CACNA1C: variants seen among roughly 807,000 people sequenced by gnomAD.
The protein encoded by CACNA1C is calcium voltage-gated channel subunit alpha1 C, also known as voltage-dependent L-type calcium channel subunit alpha-1C.
CACNA1C carries 30 observed loss-of-function variants against 229.0 expected under a neutral mutation model. The ratio of observed to expected loss-of-function variants is 0.13; its 90% confidence interval spans 0.10 to 0.18. The LOEUF (loss-of-function observed/expected upper bound fraction) is 0.18. Among genes scored for constraint, CACNA1C ranks in the 10% least tolerant of loss-of-function variants. The pLI, the probability that CACNA1C is intolerant of heterozygous loss-of-function variation, is 1.00. For synonymous variants in CACNA1C, 1,114 were observed against 1,132.5 expected (o/e 0.98, Z 0.33); for missense variants, 1,658 against 2,845.0 (o/e 0.58, Z 9.49).
chr12:2,229,629 G>A (rs147698364), intron 3 of CACNA1C, among the ~76,000 whole-genome samples: 18 of 152,292 alleles, frequency 1.2e-4, no homozygotes, highest in African/African-American at 4.1e-4. Flanking sequence ...ATAAGACGAT[G>A]AGGGAAGGCC....
At chr12:2,531,849 A>ACCTAT (rs1467428522) in intron 9 of CACNA1C, among the ~76,000 whole-genome samples, 3 of 151,900 alleles carry the variant, frequency 2.0e-5, no homozygotes, top group African/African-American at 7.3e-5. Flanking sequence ...CGTCATCCCC[A>ACCTAT]CCTATGTGTG....
intron 32 of CACNA1C, among the ~76,000 whole-genome samples, chr12:2,652,934 G>T (rs980040791): frequency 1.3e-5 from 2 of 152,214 alleles, no homozygotes; most frequent in Non-Finnish European, 2.9e-5. Context: ...GGCACAGACC[G>T]GGTGACTGCG....
chr12:2,075,935 T>C (rs1482014801), intron 1 of CACNA1C, among the ~76,000 whole-genome samples: 1 of 152,202 alleles, frequency 6.6e-6, no homozygotes, highest in Non-Finnish European at 1.5e-5. Flanking sequence ...GACTGTCATA[T>C]GTGCTTATCT....
chr12:2,286,583 T>C (rs1171097727), intron 3 of CACNA1C, among the ~76,000 whole-genome samples: 1 of 152,014 alleles, frequency 6.6e-6, no homozygotes, highest in Admixed American at 6.6e-5. Context: ...GTCTGTGAGG[T>C]TCATTCGGGG....
rs1411662097 is a variant in CACNA1C, at chr12:2,665,835, C to A, written c.4526+127C>A. 3 of 938,970 alleles carry A rather than the reference C, an allele frequency of 3.2e-6. No homozygotes were observed. The highest frequency in any genetic ancestry group is 4.6e-6 in the Non-Finnish European group (3 of 653,366). The allele number at this position is 938,970 out of a possible 1,614,324, so 58.2% of individuals were successfully genotyped here. A position where few individuals can be genotyped will look rare whatever the true frequency, so the allele number is the denominator to read the frequency against. ...ATTAGAAACACTGGATTGTATCACA[C>A]CCTAGGGTGAAAGGTCAAGGGCCAG... On this transcript the variant is annotated intron_variant, in intron 36 of 46. Transcript: ENST00000399655. This position sits in a 1 kb window ranked among gnomAD's most constrained non-coding sequence, Gnocchi z 5.9.
rs546692100 is a variant in CACNA1C, at chr12:2,108,270, C to G, written c.50-6954C>G. On this transcript the variant is annotated intron_variant, in intron 1 of 46. Transcript: ENST00000399655. This position sits in a 1 kb window ranked among gnomAD's most constrained non-coding sequence, Gnocchi z 5.3. ...AATGCTGCAAGAGCAGGCTTTAGGC[C>G]GGGTCTGTGGGAATGATTCCCAAAA... 1.3e-5 allele frequency among the ~76,000 whole-genome samples: 2 copies of G among 152,258 alleles called. No individual in the cohort carries two copies. Among genetic ancestry groups the G allele is most frequent in the South Asian group, 2.1e-4 (1 of 4,818 alleles).
intron 31 of CACNA1C, among the ~76,000 whole-genome samples, chr12:2,650,889 G>C (rs1372302743): frequency 6.6e-6 from 1 of 152,102 alleles, no homozygotes; most frequent in Non-Finnish European, 1.5e-5. Flanking sequence ...TCCCTTCCAG[G>C]GTCTTGTACA....
chr12:2,543,099 AG>A (rs756922648), intron 9 of CACNA1C, among the ~76,000 whole-genome samples: 10 of 152,180 alleles, frequency 6.6e-5, no homozygotes, highest in Non-Finnish European at 1.3e-4. Flanking sequence ...ACCAGAAGCA[AG>A]GGACTGGATA....
intron 3 of CACNA1C, among the ~76,000 whole-genome samples, chr12:2,201,337 A>G (rs1418832652): frequency 1.3e-5 from 2 of 152,220 alleles, no homozygotes; most frequent in African/African-American, 4.8e-5. Context: ...TGGTGTTCTT[A>G]TGTGTTAGGT....
At chr12:2,413,167 A>G (rs2098827288) in intron 3 of CACNA1C, among the ~76,000 whole-genome samples, 1 of 150,420 alleles carries the variant, frequency 6.6e-6, no homozygotes, top group Non-Finnish European at 1.5e-5. Flanking sequence ...ACAGGTGTGT[A>G]CCACCACGCC....
intron 3 of CACNA1C, among the ~76,000 whole-genome samples, chr12:2,182,488 G>A (rs2096872766): frequency 6.6e-6 from 1 of 151,984 alleles, no homozygotes; most frequent in South Asian, 2.1e-4. Context: ...TTTGCATATT[G>A]GTGAGCCCTG....
At chr12:2,213,701 C>T (rs1164229826) in intron 3 of CACNA1C, among the ~76,000 whole-genome samples, 4 of 152,314 alleles carry the variant, frequency 2.6e-5, no homozygotes, top group Admixed American at 2.6e-4. Context: ...CTTCCTTCCC[C>T]TCTGCAGGCC....
intron 1 of CACNA1C, among the ~76,000 whole-genome samples, chr12:1,997,356 C>T (rs375807775): frequency 5.9e-5 from 9 of 152,188 alleles, no homozygotes; most frequent in East Asian, 5.8e-4. Context: ...GTGAAACCTC[C>T]GTTGCTACTA....
intron 9 of CACNA1C, among the ~76,000 whole-genome samples, chr12:2,549,534 G>A (rs1259721249): frequency 6.6e-6 from 1 of 152,204 alleles, no homozygotes; most frequent in Non-Finnish European, 1.5e-5. Context: ...GATGGTGGGT[G>A]GGATGAAGTA....
intron 3 of CACNA1C, among the ~76,000 whole-genome samples, chr12:2,428,664 C>T (rs1013464234): frequency 2.0e-5 from 3 of 152,212 alleles, no homozygotes; most frequent in Non-Finnish European, 4.4e-5. Context: ...CTGTGACACT[C>T]ATGGTCCCAC....
chr12:2,338,732 A>G (rs2096775614), intron 3 of CACNA1C, among the ~76,000 whole-genome samples: 1 of 152,152 alleles, frequency 6.6e-6, no homozygotes, highest in African/African-American at 2.4e-5. Context: ...AGGAAGCATG[A>G]GAATAGCAGG....
intron 3 of CACNA1C, among the ~76,000 whole-genome samples, chr12:2,391,404 G>T (rs1205064943): frequency 6.6e-6 from 1 of 152,122 alleles, no homozygotes; most frequent in East Asian, 1.9e-4. Context: ...GGAACCCAGG[G>T]TTGATTTTTG....
At chr12:2,022,463 C>G (rs1457487561) in intron 1 of CACNA1C, among the ~76,000 whole-genome samples, 1 of 133,616 alleles carries the variant, frequency 7.5e-6, no homozygotes, top group Non-Finnish European at 1.6e-5. Context: ...CCCTAAGGAA[C>G]TTTTTTTTTT....
At chr12:2,295,858 C>T (rs1231519124) in intron 3 of CACNA1C, among the ~76,000 whole-genome samples, 2 of 152,228 alleles carry the variant, frequency 1.3e-5, no homozygotes, top group African/African-American at 4.8e-5. Context: ...CACTCCCAAC[C>T]TCTCAACATG....
Sources: gnomAD v4.1 joint callset for allele counts (sites outside exome capture counted in the v4.1 genomes callset) on GRCh38, gnomAD v4.1.1 for gene constraint, Gnocchi (gnomAD v3.1) non-coding constraint, MANE v1.5 for transcripts, NCBI Gene and HGNC (gene_info 2026-07-23, HGNC 2026-07-21) for gene names.